The following CPNE8 variants were observed in gnomAD, a reference collection of about 807,000 sequenced individuals.
CPNE8 encodes copine 8.
A neutral mutation model predicts 81.5 loss-of-function variants in CPNE8; 45 were observed. The ratio of observed to expected loss-of-function variants is 0.55; its 90% CI spans 0.44 to 0.71. The LOEUF is 0.71. Among genes scored for constraint, CPNE8 ranks in the 30% least tolerant of loss-of-function variants. The pLI is 0.00. For missense variants in CPNE8, 594 were observed against 672.1 expected (o/e 0.88, Z 1.28); for synonymous variants, 252 against 226.3 (o/e 1.11, Z -1.02).
At chr12:38,773,147 C>T (rs142648208) in intron 7 of CPNE8, among the ~76,000 whole-genome samples, 2,141 of 151,802 alleles carry the variant, frequency 0.014, 23 homozygotes, top group Non-Finnish European at 0.022. Flanking sequence ...GATGGTTTCC[C>T]GGGATTGAGG....
At chr12:38,736,012 A>C (rs553846550) in intron 10 of CPNE8, among the ~76,000 whole-genome samples, 3 of 152,042 alleles carry the variant, frequency 2.0e-5, no homozygotes, top group African/African-American at 7.2e-5. Context: ...TGTAGATTAC[A>C]ATAGTACTCT....
intron 3 of CPNE8, among the ~76,000 whole-genome samples, chr12:38,872,768 TGGATAAA>T (rs1944011092): frequency 6.6e-6 from 1 of 152,186 alleles, no homozygotes; most frequent in African/African-American, 2.4e-5. Context: ...AATTTATGTC[TGGATAAA>T]GGAAGTACAA....
intron 1 of CPNE8, among the ~76,000 whole-genome samples, chr12:38,895,189 C>CTGA (rs1193998580): frequency 6.6e-6 from 1 of 152,058 alleles, no homozygotes; most frequent in Non-Finnish European, 1.5e-5. Context: ...GAATAATGTA[C>CTGA]TGATATTAAT....
chr12:38,885,625 T>C (rs903776153), intron 1 of CPNE8, among the ~76,000 whole-genome samples: 4 of 152,132 alleles, frequency 2.6e-5, no homozygotes, highest in African/African-American at 9.7e-5. Context: ...GCAAGTATTA[T>C]CTATTTCAAT....
At chr12:38,833,268 G>A (rs1006691115) in intron 5 of CPNE8, among the ~76,000 whole-genome samples, 2 of 149,648 alleles carry the variant, frequency 1.3e-5, no homozygotes, top group Admixed American at 6.7e-5. Flanking sequence ...CAGGAGAATC[G>A]CTTGATCCCG....
intron 1 of CPNE8, among the ~76,000 whole-genome samples, chr12:38,902,417 A>AAGAAAGAAAGAAAGAAAGAG (rs1166996215): frequency 0.015 from 1,071 of 72,790 alleles, 93 homozygotes; most frequent in East Asian, 0.029. Flanking sequence ...GAAAGAAAGA[A>AAGAAAGAAAGAAAGAAAGAG]AAAGAAAGAA....
chr12:38,735,095 A>G (rs931753481), intron 10 of CPNE8, among the ~76,000 whole-genome samples: 23 of 152,088 alleles, frequency 1.5e-4, no homozygotes, highest in African/African-American at 5.5e-4. Flanking sequence ...CAAAACTGGT[A>G]TGATCTTTTC....
chr12:38,867,841 C>A (rs1943938142), intron 3 of CPNE8, among the ~76,000 whole-genome samples: 1 of 152,080 alleles, frequency 6.6e-6, no homozygotes. Flanking sequence ...TTTAGTTTTA[C>A]AACATCCGTT....
intron 11 of CPNE8, chr12:38,726,566 T>A (rs1940703299): frequency 6.6e-6 from 1 of 152,188 alleles, no homozygotes; most frequent in Admixed American, 6.5e-5. Context: ...ATTCCGCAAT[T>A]CTTCCAGATA....
Position 38,691,897 on chromosome 12 carries a change from G to A in CPNE8, c.1143+1760C>T, listed in dbSNP as rs117883635. ...CCTCGCAGACTAACTAGCTCTTAAA[G>A]GCCTCACTTAATACTATTACATTAG... is the stretch of plus-strand genomic sequence containing the variant. On this transcript the variant is annotated intron_variant, in intron 15 of 19. Transcript: ENST00000331366. Among the ~76,000 whole-genome samples, 1,103 of 152,222 alleles carry A rather than the reference G, an allele frequency of 7.2e-3. 14 individuals carry two copies. Among genetic ancestry groups the A allele is most frequent in the East Asian group, 0.063 (327 of 5,168 alleles).
At chr12:38,730,404 T>G in intron 10 of CPNE8, 46 bp from the exon 11 acceptor site, 1 of 1,089,936 alleles carries the variant, frequency 9.2e-7, no homozygotes, top group Non-Finnish European at 1.4e-6. Context: ...TTCATATATT[T>G]GTCAACTGTA....
At chr12:38,741,198 A>T (rs1199185280) in intron 10 of CPNE8, among the ~76,000 whole-genome samples, 2 of 152,150 alleles carry the variant, frequency 1.3e-5, no homozygotes, top group Non-Finnish European at 2.9e-5. Flanking sequence ...GTTCATATGG[A>T]ACCAAAAAAG....
intron 10 of CPNE8, among the ~76,000 whole-genome samples, chr12:38,754,900 A>G (rs1286713110): frequency 1.3e-5 from 2 of 152,220 alleles, no homozygotes; most frequent in African/African-American, 4.8e-5. Context: ...GGTTAACTGC[A>G]AGCAAATTGT....
At chr12:38,685,656 T>A in intron 15 of CPNE8, 39 bp from the exon 16 acceptor site, 1 of 1,589,792 alleles carries the variant, frequency 6.3e-7, no homozygotes, top group Admixed American at 1.8e-5. Context: ...AAAACAACAG[T>A]AAAAAAGTAA....
At chr12:38,800,957 A>T (rs1262912265) in intron 6 of CPNE8, among the ~76,000 whole-genome samples, 1 of 147,000 alleles carries the variant, frequency 6.8e-6, no homozygotes, top group Non-Finnish European at 1.5e-5. Context: ...AGTTTAGAGA[A>T]AAAAGAATAA....
chr12:38,892,609 T>C lies in CPNE8; in HGVS notation c.98+12828A>G, dbSNP rs1236550228. On this transcript the variant is annotated intron_variant, in intron 1 of 19. Coordinates refer to ENST00000331366, the MANE Select transcript of CPNE8 (RefSeq NM_153634.3). ...AAGCATTATAATGGTAGGGAAGTAA[T>C]AGCATACATGACTCACAGTGTTGGC... Among the ~76,000 whole-genome samples the C allele has an allele frequency of 2.0e-5, 3 of 152,166 alleles. No homozygotes were observed. In the East Asian group the frequency reaches 5.8e-4, roughly 29 times the overall value.
intron 6 of CPNE8, among the ~76,000 whole-genome samples, chr12:38,796,311 T>A (rs558023647): frequency 3.3e-4 from 50 of 149,886 alleles, no homozygotes; most frequent in African/African-American, 1.2e-3. Context: ...AAAAAAAAAA[T>A]CTTGAACTCA....
intron 10 of CPNE8, among the ~76,000 whole-genome samples, chr12:38,735,450 T>TTA (rs77951871): frequency 6.6e-6 from 1 of 151,852 alleles, no homozygotes; most frequent in African/African-American, 2.4e-5. Flanking sequence ...ACCATGAGAC[T>TTA]TGTTTTCCTA....
intron 6 of CPNE8, among the ~76,000 whole-genome samples, chr12:38,778,705 T>C (rs1393870317): frequency 2.0e-5 from 3 of 152,242 alleles, no homozygotes; most frequent in African/African-American, 7.2e-5. Flanking sequence ...ATTCCTTAAC[T>C]GTTAAAAGGA....
Sources: allele counts gnomAD v4.1 joint callset (sites outside exome capture counted in the v4.1 genomes callset), GRCh38; gene constraint gnomAD v4.1.1; transcripts MANE v1.5; gene names NCBI Gene and HGNC (gene_info 2026-07-23, HGNC 2026-07-21).